Variants in OTUD7A observed in about 807,000 individuals in gnomAD.
The protein encoded by OTUD7A is OTU domain-containing protein 7A.
Under a neutral mutation model 65.7 loss-of-function variants are expected in OTUD7A, and 12 were observed. The observed-to-expected ratio is 0.18, with a 90% CI of 0.12 to 0.30. The LOEUF (loss-of-function observed/expected upper bound fraction) is 0.30. Ranked by LOEUF, OTUD7A falls within the 10% of genes least tolerant of loss-of-function variation. OTUD7A has a pLI of 1.00. For missense variants in OTUD7A, 1,148 were observed against 1,304.8 expected (o/e 0.88, Z 1.85); for synonymous variants, 641 against 586.3 (o/e 1.09, Z -1.35).
chr15:31,648,017 G>C (rs1412873578), intron 3 of OTUD7A, among the ~76,000 whole-genome samples: 2 of 152,188 alleles, frequency 1.3e-5, no homozygotes, highest in African/African-American at 2.4e-5. Context: ...TGAAGGGCTG[G>C]AGTACCAGGT....
intron 1 of OTUD7A, among the ~76,000 whole-genome samples, chr15:31,665,900 T>G (rs1892305974): frequency 1.3e-5 from 2 of 152,230 alleles, no homozygotes; most frequent in African/African-American, 4.8e-5. Flanking sequence ...TTTTTCTGCA[T>G]CTATCGAGAC....
intron 1 of OTUD7A, among the ~76,000 whole-genome samples, chr15:31,809,667 T>C (rs963977517): frequency 6.6e-6 from 1 of 152,218 alleles, no homozygotes; most frequent in African/African-American, 2.4e-5. Flanking sequence ...CTTGTGGCCA[T>C]GTGGTCCAGA....
chr15:31,483,427 G>T lies in OTUD7A; in HGVS notation c.2669C>A (p.Pro890Gln). 7.3e-7 allele frequency: 1 copy of T among 1,372,400 alleles called. No homozygotes were observed. Among genetic ancestry groups the T allele is most frequent in the Non-Finnish European group, 9.4e-7 (1 of 1,062,782 alleles). 85.0% of individuals were successfully genotyped at this position (1,372,400 alleles called of 1,614,324 possible). Residue 890 changes from proline to glutamine, a missense_variant, in exon 13 of 13, where the codon CCG (proline) becomes CAG (glutamine). By Grantham distance (76) the Pro-to-Gln change is moderately conservative (BLOSUM62 -1). Around this residue, in one of 6 missense-constraint regions of OTUD7A, gnomAD observed 842 missense variants for 769.5 expected, o/e 1.09. Transcript: ENST00000307050. ...CTGGCAGCGCCGCTGCACCGGCCCC[G>T]GGCCGCCACGGCCGCACTCACCGTT... Reference protein sequence around the residue: ...RSNGECGRGGPGPVQRRCQRE... With the variant: ...RSNGECGRGGQGPVQRRCQRE...
intron 5 of OTUD7A, among the ~76,000 whole-genome samples, chr15:31,532,810 T>C (rs1312730403): frequency 6.6e-6 from 1 of 151,746 alleles, no homozygotes. Flanking sequence ...GGCGGGCGCC[T>C]GTAGTCCCAG....
In OTUD7A at chr15:31,480,922, C is replaced by T. The variant is rs1255872866; in HGVS notation, c.*2372G>A. On this transcript the variant is annotated 3_prime_UTR_variant, in exon 13 of 13. Coordinates refer to ENST00000307050, the MANE Select transcript of OTUD7A (RefSeq NM_001382637.1). ...CTTTATCTCAGGCTCTTATTTAGGG[C>T]ACATCTGTCATCAGATGGTGATGGG... The T allele has an allele frequency of 6.6e-6, 1 of 152,158 alleles. No individual in the cohort carries two copies. The highest frequency in any genetic ancestry group is 2.4e-5 in the African/African-American group (1 of 41,438). 9.4% of individuals were successfully genotyped at this position (152,158 alleles called of 1,614,324 possible).
At chr15:31,619,499 T>C (rs1164969430) in intron 3 of OTUD7A, among the ~76,000 whole-genome samples, 1 of 152,104 alleles carries the variant, frequency 6.6e-6, no homozygotes, top group Non-Finnish European at 1.5e-5. Flanking sequence ...CCCTTGTAAG[T>C]TGGATTCCTA....
At chr15:31,555,521 G>A (rs891428764) in intron 5 of OTUD7A, among the ~76,000 whole-genome samples, 1 of 152,330 alleles carries the variant, frequency 6.6e-6, no homozygotes, top group South Asian at 2.1e-4. Flanking sequence ...AGTGGACTGT[G>A]ACAGTGGGGG....
intron 4 of OTUD7A, among the ~76,000 whole-genome samples, chr15:31,561,455 G>A (rs775791213): frequency 7.2e-5 from 11 of 152,138 alleles, no homozygotes; most frequent in Non-Finnish European, 7.3e-5. Flanking sequence ...ACCTGCAATC[G>A]GTGGGACAGA....
intron 1 of OTUD7A, among the ~76,000 whole-genome samples, chr15:31,675,025 C>T (rs1892565717): frequency 6.6e-6 from 1 of 151,682 alleles, no homozygotes; most frequent in Admixed American, 6.6e-5. Context: ...TGTCTGGTTA[C>T]TTGTAGCTGA....
chr15:31,628,700 C>A (rs891522746), intron 3 of OTUD7A, among the ~76,000 whole-genome samples: 1 of 151,908 alleles, frequency 6.6e-6, no homozygotes, highest in African/African-American at 2.4e-5. Context: ...GCCATTTTCA[C>A]GATATTGATT....
chr15:31,635,806 A>G (rs902440956), intron 3 of OTUD7A, among the ~76,000 whole-genome samples: 1 of 152,252 alleles, frequency 6.6e-6, no homozygotes, highest in African/African-American at 2.4e-5. Flanking sequence ...TTGTAGGGAC[A>G]GCTGTGGCTA....
intron 3 of OTUD7A, among the ~76,000 whole-genome samples, chr15:31,620,100 C>A (rs574981693): frequency 6.6e-6 from 1 of 152,320 alleles, no homozygotes; most frequent in Non-Finnish European, 1.5e-5. Context: ...ACCAGCCTTG[C>A]ATCCCAGGGA....
Position 31,483,996 on chromosome 15 carries a change from C to G in OTUD7A, c.2100G>C (p.Arg700=), listed in dbSNP as rs2041186006. The G allele has an allele frequency of 8.9e-7, 1 of 1,127,238 alleles. No homozygotes were observed. 69.8% of individuals were successfully genotyped at this position (1,127,238 alleles called of 1,614,324 possible). A position where few individuals can be genotyped will look rare whatever the true frequency, so the allele number is the denominator to read the frequency against. ...AAAAAAATAK[R]PPRRPETEGV... is the part of the protein sequence containing the mutation. The stretch of plus-strand genomic sequence containing the variant: ...CCTCCGTCTCCGGTCTGCGCGGCGG[C>G]CGCTTGGCCGTGGCGGCGGCGGCGG... Residue 700 remains arginine (R), a synonymous_variant, in exon 13 of 13, where the codon CGG becomes CGC. Transcript: ENST00000307050.
intron 5 of OTUD7A, among the ~76,000 whole-genome samples, chr15:31,549,465 T>A (rs759922119): frequency 9.2e-5 from 14 of 152,202 alleles, no homozygotes; most frequent in South Asian, 2.1e-4. Context: ...TCCGACGGGA[T>A]GTCACTCCTG....
intron 8 of OTUD7A, among the ~76,000 whole-genome samples, chr15:31,507,194 T>C (rs2041588874): frequency 6.6e-6 from 1 of 152,186 alleles, no homozygotes. Context: ...TAAAAATATT[T>C]AGGGTTTTTA....
intron 1 of OTUD7A, among the ~76,000 whole-genome samples, chr15:31,862,125 C>T (rs556531908): frequency 6.6e-6 from 1 of 152,316 alleles, no homozygotes; most frequent in African/African-American, 2.4e-5. Context: ...CACTCTCCTC[C>T]CTGAAATCTA....
chr15:31,736,179 T>C (rs545201860), intron 1 of OTUD7A, among the ~76,000 whole-genome samples: 3 of 152,292 alleles, frequency 2.0e-5, no homozygotes, highest in African/African-American at 7.2e-5. Context: ...TTTACCTTTG[T>C]AACAAACATG....
chr15:31,519,122 G>GC (rs781182217), intron 8 of OTUD7A, among the ~76,000 whole-genome samples: 1 of 101,704 alleles, frequency 9.8e-6, no homozygotes, highest in Non-Finnish European at 2.4e-5. Flanking sequence ...ACTGTGCTGT[G>GC]TGTGTGTGTG....
intron 8 of OTUD7A, among the ~76,000 whole-genome samples, chr15:31,525,704 C>G (rs936810183): frequency 6.6e-6 from 1 of 152,232 alleles, no homozygotes; most frequent in Non-Finnish European, 1.5e-5. Flanking sequence ...AAGAATAAGC[C>G]GCGGCCAAGG....
Sources: allele counts gnomAD v4.1 joint callset (sites outside exome capture counted in the v4.1 genomes callset), GRCh38; gene constraint gnomAD v4.1.1; regional missense constraint gnomAD v4.1.1; transcripts MANE v1.5; gene names NCBI Gene and HGNC (gene_info 2026-07-23, HGNC 2026-07-21).